Variants in UBA2 observed in about 807,000 individuals in gnomAD.
UBA2 encodes the protein SUMO-activating enzyme subunit 2.
Under a neutral mutation model 77.2 loss-of-function variants are expected in UBA2, and 11 were observed. The observed-to-expected ratio is 0.14, with a 90% confidence interval of 0.09 to 0.24. The LOEUF (loss-of-function observed/expected upper bound fraction) is 0.24. Ranked by LOEUF, UBA2 falls within the 10% of genes least tolerant of loss-of-function variation. The pLI is 1.00. For missense variants in UBA2, 487 were observed against 781.7 expected, an observed-to-expected ratio of 0.62 and a Z score of 4.50; for synonymous variants, 278 against 276.7, an observed-to-expected ratio of 1.00 and a Z score of -0.05.
chr19:34,435,408 C>T (rs963048951), intron 5 of UBA2, among the ~76,000 whole-genome samples: 1 of 152,128 alleles, frequency 6.6e-6, no homozygotes, highest in African/African-American at 2.4e-5. Context: ...AAAAAACAAA[C>T]TTAAAATGCT....
At chr19:34,465,641 A>AG (rs2075679812) in intron 15 of UBA2, among the ~76,000 whole-genome samples, 2 of 151,396 alleles carry the variant, frequency 1.3e-5, no homozygotes, top group African/African-American at 4.9e-5. Context: ...ATGTCAGAAA[A>AG]AAAAAAAAAA....
At chr19:34,453,100 CTG>C (rs989383942) in intron 10 of UBA2, among the ~76,000 whole-genome samples, 1 of 152,184 alleles carries the variant, frequency 6.6e-6, no homozygotes, top group African/African-American at 2.4e-5. Context: ...AGGGAAGACA[CTG>C]TGTTGAGTAT....
chr19:34,446,658 A>T, intron 8 of UBA2, among the ~76,000 whole-genome samples: 1 of 146,302 alleles, frequency 6.8e-6, no homozygotes. Context: ...CGCCCAGGCT[A>T]GAGTGCAGTG....
At chr19:34,455,183 A>G (rs1290225151) in intron 12 of UBA2, among the ~76,000 whole-genome samples, 1 of 152,078 alleles carries the variant, frequency 6.6e-6, no homozygotes, top group East Asian at 1.9e-4. Flanking sequence ...TTAAATTAGG[A>G]TTTTCAATAC....
intron 12 of UBA2, among the ~76,000 whole-genome samples, chr19:34,455,804 G>A (rs534940328): frequency 3.6e-4 from 54 of 151,862 alleles, no homozygotes; most frequent in African/African-American, 1.1e-3. Context: ...CCACCATGCC[G>A]GCTAATTTTT....
At chr19:34,432,816 A>T (rs1168432633) in intron 3 of UBA2, among the ~76,000 whole-genome samples, 1 of 152,174 alleles carries the variant, frequency 6.6e-6, no homozygotes, top group East Asian at 1.9e-4. Context: ...TGGCCTCCCA[A>T]AGTGCAGGGA....
chr19:34,456,151 C>CTGGAGTACAG (rs1046768095), intron 12 of UBA2, among the ~76,000 whole-genome samples: 1 of 120,436 alleles, frequency 8.3e-6, no homozygotes, highest in Non-Finnish European at 1.7e-5. Flanking sequence ...CTCACCCAGG[C>CTGGAGTACAG]TGGAGTACAG....
At chr19:34,459,565 C>T (rs1054881520) in intron 13 of UBA2, among the ~76,000 whole-genome samples, 4 of 152,084 alleles carry the variant, frequency 2.6e-5, no homozygotes, top group Admixed American at 6.5e-5. Flanking sequence ...GGAGCTGAAG[C>T]GAGGGAAGAA....
intron 12 of UBA2, among the ~76,000 whole-genome samples, chr19:34,458,312 T>A (rs1465028497): frequency 6.6e-6 from 1 of 151,804 alleles, no homozygotes; most frequent in African/African-American, 2.4e-5. Context: ...TCCCAGCACT[T>A]TGGGAGGCCG....
At chr19:34,433,303 G>T (rs763663684) in intron 3 of UBA2, 45 bp from the exon 4 acceptor site, 1 of 1,346,602 alleles carries the variant, frequency 7.4e-7, no homozygotes. Context: ...AAGATCATGT[G>T]GAAGGCTAGT....
At chr19:34,464,341 T>C (rs1453121944) in intron 15 of UBA2, among the ~76,000 whole-genome samples, 1 of 152,248 alleles carries the variant, frequency 6.6e-6, no homozygotes, top group East Asian at 1.9e-4. Flanking sequence ...GCGGATCACC[T>C]GAGGTCAGGA....
chr19:34,445,192 T>A (rs979182330), intron 8 of UBA2, 71 bp downstream of exon 8: 1 of 1,478,890 alleles, frequency 6.8e-7, no homozygotes, highest in Non-Finnish European at 9.1e-7. Context: ...CTAGTTCTGC[T>A]TGTTTTAAAA....
intron 9 of UBA2, among the ~76,000 whole-genome samples, chr19:34,450,773 G>A (rs926393504): frequency 4.9e-5 from 5 of 102,242 alleles, no homozygotes; most frequent in South Asian, 3.2e-4. Flanking sequence ...TTTTGAGACC[G>A]TGTCTCGCTC....
chr19:34,464,530 C>A (rs1394980272), intron 15 of UBA2, among the ~76,000 whole-genome samples: 1 of 149,700 alleles, frequency 6.7e-6, no homozygotes, highest in Non-Finnish European at 1.5e-5. Flanking sequence ...TGCACTCCAA[C>A]CTGGGAGACA....
At chr19:34,437,829 C>T (rs1159656608) in intron 5 of UBA2, among the ~76,000 whole-genome samples, 3 of 151,988 alleles carry the variant, frequency 2.0e-5, no homozygotes, top group Non-Finnish European at 2.9e-5. Flanking sequence ...CCAAGGCGGG[C>T]GAATCACATG....
Position 34,431,866 on chromosome 19 carries a change from C to A in UBA2, c.228C>A (p.Ala76=). 1 of 1,613,368 alleles carries A rather than the reference C, an allele frequency of 6.2e-7. No individual in the cohort carries two copies. Among genetic ancestry groups the A allele is most frequent in the Non-Finnish European group, 8.5e-7 (1 of 1,179,724 alleles). ...KHVGRSKAQV[A]KESVLQFYPK... is the part of the protein sequence containing the mutation. ...AGTGTTGTTTATTTTTCCAGGTTGCCAAGGAAAGTGTACTGCAGTTTTACC... is the reference window on the plus strand; with the variant it reads ...AGTGTTGTTTATTTTTCCAGGTTGCAAAGGAAAGTGTACTGCAGTTTTACC... Residue 76 remains alanine (A), a synonymous_variant, in exon 3 of 17, where the codon GCC becomes GCA. Transcript: ENST00000246548.
At chr19:34,447,456 T>C (rs1568375418) in intron 8 of UBA2, among the ~76,000 whole-genome samples, 2 of 152,256 alleles carry the variant, frequency 1.3e-5, no homozygotes, top group Non-Finnish European at 2.9e-5. Flanking sequence ...TAAACTTCGA[T>C]ATGGTCAACA....
At chr19:34,429,325 A>G in intron 1 of UBA2, 1 of 860,244 alleles carries the variant, frequency 1.2e-6, no homozygotes, top group African/African-American at 1.8e-5. Flanking sequence ...TACTAATGCA[A>G]ACTTTTTAGA....
intron 3 of UBA2, among the ~76,000 whole-genome samples, chr19:34,432,362 A>C (rs1195213987): frequency 6.6e-6 from 1 of 152,240 alleles, no homozygotes; most frequent in African/African-American, 2.4e-5. Flanking sequence ...TTGACAGTAC[A>C]TAAATATATT....
Sources: gnomAD v4.1 joint callset for allele counts (sites outside exome capture counted in the v4.1 genomes callset) on GRCh38, gnomAD v4.1.1 for gene constraint, MANE v1.5 for transcripts, NCBI Gene and HGNC (gene_info 2026-07-23, HGNC 2026-07-21) for gene names.